Variants in COL26A1 observed in about 807,000 individuals in gnomAD.
The protein encoded by COL26A1 is collagen type XXVI alpha 1 chain, also known as collagen alpha-1(XXVI) chain.
In COL26A1, 41 loss-of-function variants were observed where a neutral mutation model predicts 59.3. That is an observed-to-expected ratio of 0.69 (90% CI 0.54 to 0.90). COL26A1 has a LOEUF of 0.90. Among genes scored for constraint, COL26A1 ranks in the 40% least tolerant of loss-of-function variants. COL26A1 has a pLI of 0.00. For synonymous variants in COL26A1, 266 were observed against 256.0 expected, an observed-to-expected ratio of 1.04 and a Z score of -0.37; for missense variants, 612 against 602.3, an observed-to-expected ratio of 1.02 and a Z score of -0.17.
intron 3 of COL26A1, among the ~76,000 whole-genome samples, chr7:101,489,794 CTTTCTTTCTTTCTTTCT>C (rs1794383534): frequency 5.1e-4 from 1 of 1,976 alleles, no homozygotes; most frequent in Non-Finnish European, 1.2e-3. Context: ...TTCTTTCTTT[CTTTCTTTCTTTCTTTCT>C]TTCTTTCTTT....
At chr7:101,487,510 T>C (rs6972899) in intron 3 of COL26A1, among the ~76,000 whole-genome samples, 61,490 of 151,948 alleles carry the variant, frequency 0.4, 13,231 homozygotes, top group African/African-American at 0.55. Context: ...GTGCCCTCCC[T>C]GCCATCTTGG....
intron 3 of COL26A1, among the ~76,000 whole-genome samples, chr7:101,458,564 G>T (rs1399645082): frequency 6.6e-6 from 1 of 152,066 alleles, no homozygotes; most frequent in African/African-American, 2.4e-5. Context: ...CTGGAAGGTG[G>T]AGGTTAGAGT....
intron 4 of COL26A1, among the ~76,000 whole-genome samples, chr7:101,538,949 C>A (rs999693765): frequency 6.6e-6 from 1 of 152,228 alleles, no homozygotes; most frequent in Non-Finnish European, 1.5e-5. Context: ...CAGCAGGGAT[C>A]TCCACCCACC....
rs1226724845 is a variant in COL26A1, at chr7:101,363,271, C to T, written c.158+81C>T. The T allele has an allele frequency of 3.0e-5, 35 of 1,171,670 alleles. No homozygotes were observed. In the East Asian group the frequency reaches 7.6e-4, roughly 25 times the overall value. The allele number at this position is 1,171,670 out of a possible 1,614,324, so 72.6% of individuals were successfully genotyped here. A position where few individuals can be genotyped will look rare whatever the true frequency, so the allele number is the denominator to read the frequency against. ...GGCCCTGGCCACTGGGTGGCTGGAG[C>T]GAGGCTTGGGGGCTGGAGAGCGGGG... On this transcript the variant is annotated intron_variant, in intron 1 of 12. Transcript: ENST00000313669.
intron 7 of COL26A1, among the ~76,000 whole-genome samples, 171 bp from the exon 8 acceptor site, chr7:101,546,985 C>G (rs138024103): frequency 6.6e-6 from 1 of 152,188 alleles, no homozygotes; most frequent in Non-Finnish European, 1.5e-5. Flanking sequence ...TGGGCCTCTC[C>G]GTGCTCCTCT....
chr7:101,514,733 G>A (rs983751767), intron 3 of COL26A1, among the ~76,000 whole-genome samples: 4 of 152,248 alleles, frequency 2.6e-5, no homozygotes, highest in Admixed American at 2.0e-4. Flanking sequence ...AGGAGAGAAG[G>A]AGAAAGGGGA....
chr7:101,427,233 T>A (rs992623723), intron 2 of COL26A1, among the ~76,000 whole-genome samples: 7 of 152,190 alleles, frequency 4.6e-5, no homozygotes, highest in African/African-American at 1.2e-4. Context: ...AATTAAAAAA[T>A]TTTGTTTTTT....
At chr7:101,515,531 G>A (rs900923407) in intron 3 of COL26A1, among the ~76,000 whole-genome samples, 10 of 151,446 alleles carry the variant, frequency 6.6e-5, no homozygotes, top group African/African-American at 1.5e-4. Flanking sequence ...TGATCTGCCC[G>A]CCTTGGTCTC....
chr7:101,520,201 C>G (rs947887159), intron 3 of COL26A1, among the ~76,000 whole-genome samples: 1 of 152,096 alleles, frequency 6.6e-6, no homozygotes, highest in Non-Finnish European at 1.5e-5. Context: ...GAAGTCCCCC[C>G]GGAGCATCAT....
intron 3 of COL26A1, among the ~76,000 whole-genome samples, chr7:101,471,463 AT>A (rs1793898075): frequency 6.6e-6 from 1 of 152,234 alleles, no homozygotes; most frequent in Non-Finnish European, 1.5e-5. Flanking sequence ...CAATTACAGA[AT>A]AGGCTATCCT....
At chr7:101,549,726 T>C (rs1176010986) in intron 9 of COL26A1, among the ~76,000 whole-genome samples, 1 of 152,192 alleles carries the variant, frequency 6.6e-6, no homozygotes, top group Non-Finnish European at 1.5e-5. Flanking sequence ...GCTGAGTATA[T>C]CCTCCTCCTG....
rs2130699257 is a variant in COL26A1 at position 101,559,021 on chromosome 7, C to T, written c.*1491C>T. ...ATATGTGACAATAAAGGTGCTCTCC[C>T]CACTGTGGGTCTGTTTGTGTGGTGA... On this transcript the variant is annotated 3_prime_UTR_variant, in exon 13 of 13. Transcript: ENST00000313669. 6.6e-6 allele frequency: 1 copy of T among 152,388 alleles called. No homozygotes were observed. The highest frequency in any genetic ancestry group is 6.5e-5 in the Admixed American group (1 of 15,306). 9.4% of individuals were successfully genotyped at this position (152,388 alleles called of 1,614,324 possible).
intron 3 of COL26A1, among the ~76,000 whole-genome samples, chr7:101,500,634 A>C (rs1364843732): frequency 1.3e-5 from 2 of 152,020 alleles, no homozygotes; most frequent in South Asian, 2.1e-4. Flanking sequence ...CCTGGCTAGC[A>C]TGGTGAAACC....
chr7:101,463,651 CA>C (rs1793672460), intron 3 of COL26A1, among the ~76,000 whole-genome samples: 1 of 98,756 alleles, frequency 1.0e-5, no homozygotes, highest in African/African-American at 3.8e-5. Context: ...TCCATCCTTC[CA>C]TCCTTCCATC....
chr7:101,369,918 A>C (rs569862730), intron 1 of COL26A1, among the ~76,000 whole-genome samples: 1 of 152,098 alleles, frequency 6.6e-6, no homozygotes, highest in East Asian at 1.9e-4. Flanking sequence ...GCTGGAGTGC[A>C]ATGGCATGAT....
chr7:101,508,046 C>T (rs1407818936), intron 3 of COL26A1, among the ~76,000 whole-genome samples: 2 of 152,194 alleles, frequency 1.3e-5, no homozygotes, highest in African/African-American at 4.8e-5. Flanking sequence ...ATCCCACAGC[C>T]TCCTGGCTTT....
At chr7:101,467,188 C>A (rs1409429978) in intron 3 of COL26A1, among the ~76,000 whole-genome samples, 1 of 151,866 alleles carries the variant, frequency 6.6e-6, no homozygotes, top group Non-Finnish European at 1.5e-5. Context: ...GGGGTAAATA[C>A]CTGAGGTTCA....
intron 3 of COL26A1, among the ~76,000 whole-genome samples, chr7:101,520,159 A>G (rs1795109806): frequency 1.3e-5 from 2 of 152,202 alleles, no homozygotes. Context: ...CTCTGTGTGC[A>G]TGCTGAGTAG....
At chr7:101,487,927 C>G (rs1284177383) in intron 3 of COL26A1, among the ~76,000 whole-genome samples, 1 of 152,058 alleles carries the variant, frequency 6.6e-6, no homozygotes, top group Non-Finnish European at 1.5e-5. Context: ...CACTATATTG[C>G]CCAGGCTGGT....
Sources: gnomAD v4.1 joint callset for allele counts (sites outside exome capture counted in the v4.1 genomes callset) on GRCh38, gnomAD v4.1.1 for gene constraint, MANE v1.5 for transcripts, NCBI Gene and HGNC (gene_info 2026-07-23, HGNC 2026-07-21) for gene names.